Variants in ATP13A4 observed in about 807,000 individuals in gnomAD.
ATP13A4 encodes the protein ATPase 13A4, also known as probable cation-transporting ATPase 13A4.
In ATP13A4, 114 loss-of-function variants were observed where a neutral mutation model predicts 142.5. The observed-to-expected ratio is 0.80, with a 90% CI of 0.69 to 0.93. The LOEUF (loss-of-function observed/expected upper bound fraction) is 0.93, where lower values mean the gene tolerates loss of function less well. Among genes scored for constraint, ATP13A4 ranks in the 40% least tolerant of loss-of-function variants. ATP13A4 has a pLI of 0.00. For missense variants in ATP13A4, 1,392 were observed against 1,454.0 expected, an observed-to-expected ratio of 0.96 and a Z score of 0.69; for synonymous variants, 488 against 514.8, an observed-to-expected ratio of 0.95 and a Z score of 0.70.
intron 2 of ATP13A4, among the ~76,000 whole-genome samples, chr3:193,509,466 T>C (rs1328425221): frequency 6.6e-6 from 1 of 152,178 alleles, no homozygotes; most frequent in Non-Finnish European, 1.5e-5. Context: ...GAGAGAGATA[T>C]AAGGAAGGAA....
chr3:193,430,232 G>A (rs1715895783), intron 25 of ATP13A4, among the ~76,000 whole-genome samples: 1 of 152,074 alleles, frequency 6.6e-6, no homozygotes, highest in Non-Finnish European at 1.5e-5. Flanking sequence ...ATGGATGAAA[G>A]TTACACATTT....
chr3:193,474,196 G>C (rs1409680006), intron 8 of ATP13A4, among the ~76,000 whole-genome samples: 2 of 151,788 alleles, frequency 1.3e-5, no homozygotes, highest in African/African-American at 4.8e-5. Flanking sequence ...GCACGTGCCT[G>C]TAGTCCCAGC....
At chr3:193,489,240 A>C (rs1469466863) in intron 7 of ATP13A4, among the ~76,000 whole-genome samples, 1 of 152,168 alleles carries the variant, frequency 6.6e-6, no homozygotes, top group Non-Finnish European at 1.5e-5. Flanking sequence ...GCAACCAACC[A>C]ATCTGTTCTA....
intron 1 of ATP13A4, among the ~76,000 whole-genome samples, chr3:193,532,837 G>A (rs1163582647): frequency 1.3e-5 from 2 of 152,038 alleles, no homozygotes; most frequent in Non-Finnish European, 2.9e-5. Flanking sequence ...AATCATGACA[G>A]CTTCTTAAAA....
chr3:193,488,127 G>T (rs1441882853), intron 7 of ATP13A4, among the ~76,000 whole-genome samples: 4 of 152,168 alleles, frequency 2.6e-5, no homozygotes, highest in Admixed American at 2.6e-4. Flanking sequence ...AGCCGGGTGT[G>T]GTGGCACATG....
intron 1 of ATP13A4, among the ~76,000 whole-genome samples, chr3:193,589,857 A>G (rs1724730717): frequency 6.6e-6 from 1 of 151,528 alleles, no homozygotes; most frequent in Non-Finnish European, 1.5e-5. Flanking sequence ...AACATAAATG[A>G]GTAATGCAAG....
chr3:193,453,981 A>G (rs1332289315), intron 17 of ATP13A4, 120 bp downstream of exon 17: 19 of 803,080 alleles, frequency 2.4e-5, no homozygotes, highest in African/African-American at 5.1e-5. Context: ...TCAGCAAGCT[A>G]CATTGCTCTG....
At chr3:193,523,511 T>C (rs1488018894) in intron 1 of ATP13A4, among the ~76,000 whole-genome samples, 2 of 152,220 alleles carry the variant, frequency 1.3e-5, no homozygotes, top group African/African-American at 4.8e-5. Context: ...TAATCAGTTA[T>C]GCCTGTGTAG....
chr3:193,414,624 A>T lies in ATP13A4; in HGVS notation c.2969T>A (p.Phe990Tyr), dbSNP rs766943277. The T allele has an allele frequency of 6.2e-7, 1 of 1,614,122 alleles. No homozygotes were observed. The highest frequency in any genetic ancestry group is 1.1e-5 in the South Asian group (1 of 91,074). Reference protein sequence around the residue: ...LLSLAMHIAGFILVQRQPWYS... With the variant: ...LLSLAMHIAGYILVQRQPWYS... Reference sequence around the variant, plus strand: ...CCAAGGCTGCCTCTGAACCAGGATGAAGCCTGCAATATGCATGGCCAGGCT... The same window carrying T: ...CCAAGGCTGCCTCTGAACCAGGATGTAGCCTGCAATATGCATGGCCAGGCT... Residue 990 changes from phenylalanine (F) to tyrosine (Y), a missense_variant, in exon 26 of 30, where the codon TTC becomes TAC. Transcript: ENST00000342695.
At chr3:193,407,955 C>T (rs1483671610) in intron 28 of ATP13A4, among the ~76,000 whole-genome samples, 2 of 152,256 alleles carry the variant, frequency 1.3e-5, no homozygotes, top group African/African-American at 4.8e-5. Flanking sequence ...TGTGCCCTCA[C>T]AAGGGCCCTT....
At chr3:193,532,836 A>C (rs1722405012) in intron 1 of ATP13A4, among the ~76,000 whole-genome samples, 1 of 152,204 alleles carries the variant, frequency 6.6e-6, no homozygotes, top group African/African-American at 2.4e-5. Context: ...AAATCATGAC[A>C]GCTTCTTAAA....
At chr3:193,523,810 G>A (rs557240461) in intron 1 of ATP13A4, among the ~76,000 whole-genome samples, 2 of 152,274 alleles carry the variant, frequency 1.3e-5, no homozygotes, top group African/African-American at 4.8e-5. Flanking sequence ...GTTGGGAGGT[G>A]GAATCTAGTG....
chr3:193,460,087 G>A (rs1242338460), intron 13 of ATP13A4, among the ~76,000 whole-genome samples: 1 of 152,060 alleles, frequency 6.6e-6, no homozygotes, highest in Non-Finnish European at 1.5e-5. Context: ...ATCTGCTCCT[G>A]GGAGCCAGTA....
At chr3:193,517,092 CT>C (rs1721459219) in intron 1 of ATP13A4, among the ~76,000 whole-genome samples, 1 of 152,178 alleles carries the variant, frequency 6.6e-6, no homozygotes, top group Non-Finnish European at 1.5e-5. Context: ...TAACTCAAAA[CT>C]GGGCCTCCAG....
intron 1 of ATP13A4, among the ~76,000 whole-genome samples, chr3:193,591,464 C>T (rs1297441426): frequency 1.3e-5 from 2 of 152,200 alleles, no homozygotes; most frequent in African/African-American, 2.4e-5. Context: ...TTCATGGCAA[C>T]ACTATGTATC....
At chr3:193,508,443 G>A (rs900563597) in intron 2 of ATP13A4, among the ~76,000 whole-genome samples, 7 of 152,100 alleles carry the variant, frequency 4.6e-5, no homozygotes, top group South Asian at 2.1e-4. Flanking sequence ...CTCATCTTCC[G>A]GCTATGGGAC....
rs527759701 is a variant in ATP13A4, at chr3:193,448,429, T to C, written c.2028-99A>G. ...CTCTGTCATCCAGGCTGGAGGACAGTGGTTCAAGTCATTCTCCTGCCTCAG... is the reference window on the plus strand; with the variant it reads ...CTCTGTCATCCAGGCTGGAGGACAGCGGTTCAAGTCATTCTCCTGCCTCAG... On this transcript the variant is annotated intron_variant, in intron 17 of 29. Transcript: ENST00000342695. 1.5e-4 allele frequency: 211 copies of C among 1,450,024 alleles called. 2 individuals carry two copies. In the South Asian group the frequency reaches 1.9e-3, roughly 13 times the overall value. The allele number at this position is 1,450,024 out of a possible 1,614,324, so 89.8% of individuals were successfully genotyped here. A position where few individuals can be genotyped will look rare whatever the true frequency, so the allele number is the denominator to read the frequency against.
chr3:193,503,914 C>A (rs1254583179), intron 2 of ATP13A4, among the ~76,000 whole-genome samples: 1 of 151,864 alleles, frequency 6.6e-6, no homozygotes, highest in Admixed American at 6.6e-5. Context: ...ATCCACCTTA[C>A]CACTTCTCTT....
chr3:193,474,527 C>T (rs1718824874), intron 8 of ATP13A4, among the ~76,000 whole-genome samples: 1 of 140,888 alleles, frequency 7.1e-6, no homozygotes, highest in African/African-American at 2.7e-5. Flanking sequence ...AGTGCAAGTC[C>T]CTGTCAAGAC....
Sources: allele counts gnomAD v4.1 joint callset (sites outside exome capture counted in the v4.1 genomes callset), GRCh38; gene constraint gnomAD v4.1.1; transcripts MANE v1.5; gene names NCBI Gene and HGNC (gene_info 2026-07-23, HGNC 2026-07-21).